RPGRIP1L: variants seen among roughly 807,000 people sequenced by gnomAD.
The protein encoded by RPGRIP1L is RPGRIP1 like, also known as protein fantom.
Under a neutral mutation model 160.4 loss-of-function variants are expected in RPGRIP1L, and 131 were observed. The observed-to-expected ratio is 0.82, with a 90% CI of 0.71 to 0.94. RPGRIP1L has a LOEUF of 0.94. Among genes scored for constraint, RPGRIP1L ranks in the 40% least tolerant of loss-of-function variants. The pLI is 0.00. For missense variants in RPGRIP1L, 1,522 were observed against 1,535.8 expected, an observed-to-expected ratio of 0.99 and a Z score of 0.15; for synonymous variants, 510 against 515.8, an observed-to-expected ratio of 0.99 and a Z score of 0.15.
At chr16:53,625,500 G>A (rs1161448094) in intron 22 of RPGRIP1L, among the ~76,000 whole-genome samples, 17 of 141,826 alleles carry the variant, frequency 1.2e-4, no homozygotes, top group East Asian at 6.7e-4. Flanking sequence ...TCCGCCCAGC[G>A]GCCGCCCCGT....
intron 3 of RPGRIP1L, chr16:53,695,185 G>C: frequency 1.8e-6 from 1 of 559,966 alleles, no homozygotes; most frequent in South Asian, 2.6e-5. Flanking sequence ...AAAATTGTTA[G>C]GTGGTCATAG....
intron 2 of RPGRIP1L, among the ~76,000 whole-genome samples, chr16:53,700,089 T>G (rs1430238641): frequency 1.3e-5 from 2 of 152,220 alleles, no homozygotes; most frequent in African/African-American, 4.8e-5. Flanking sequence ...CAGCTCTCTG[T>G]TCTAAATTGT....
At chr16:53,645,591 T>C in intron 17 of RPGRIP1L, 34 bp downstream of exon 17, 1 of 1,598,130 alleles carries the variant, frequency 6.3e-7, no homozygotes, top group Non-Finnish European at 8.5e-7. Context: ...TGTTTTGTTT[T>C]TACAATTTTA....
At chr16:53,636,779 T>TA (rs542082852) in intron 21 of RPGRIP1L, among the ~76,000 whole-genome samples, 1 of 152,096 alleles carries the variant, frequency 6.6e-6, no homozygotes, top group African/African-American at 2.4e-5. Context: ...AAAAAAATTT[T>TA]AAAAAGAGAA....
In RPGRIP1L at chr16:53,652,986, G is replaced by T. The variant is rs1555604462; in HGVS notation, c.1701C>A (p.Ala567=). 6.8e-6 allele frequency: 11 copies of T among 1,609,950 alleles called. No homozygotes were observed. In the Middle Eastern group the frequency reaches 9.9e-4, roughly 145 times the overall value. Residue 567 remains alanine (A), a splice_region_variant and synonymous_variant, in exon 15 of 27, where the codon GCC becomes GCA. Coordinates refer to ENST00000647211, the MANE Select transcript of RPGRIP1L (RefSeq NM_015272.5). The part of the protein sequence containing the change: ...IRAARIHKLE[A]QLKDIAYGTK... ...TGCCATAGGCAATATCCTTTAATTG[G>T]GCTGCAAGAGAAGACACACAGTTTA...
rs527539036 is a variant in RPGRIP1L, at chr16:53,692,129, G to T, written c.466C>A (p.Arg156Ser). The T allele has an allele frequency of 6.2e-7, 1 of 1,613,810 alleles. No homozygotes were observed. Among genetic ancestry groups the T allele is most frequent in the Non-Finnish European group, 8.5e-7 (1 of 1,179,948 alleles). Residue 156 changes from arginine (R) to serine (S), a missense_variant, in exon 4 of 27, where the codon CGT (arginine) becomes AGT (serine). By Grantham distance (110) the Arg-to-Ser change is moderately radical. Transcript: ENST00000647211. ...GCTTTTCTACGCCCAGTGTTAATAC[G>T]AGATTGTACATTATTGTATGGAGTT... ...RQTPYNNVQS[R>S]INTGRRKANE...
chr16:53,617,954 A>C (rs1258125454), intron 24 of RPGRIP1L, among the ~76,000 whole-genome samples: 1 of 152,186 alleles, frequency 6.6e-6, no homozygotes, highest in Non-Finnish European at 1.5e-5. Flanking sequence ...ACAACACTCC[A>C]TTTTTATGGT....
chr16:53,681,549 T>C (rs1386440900), intron 6 of RPGRIP1L, among the ~76,000 whole-genome samples: 1 of 152,202 alleles, frequency 6.6e-6, no homozygotes, highest in Non-Finnish European at 1.5e-5. Context: ...GTAAATGATA[T>C]AAGATTTTTT....
In RPGRIP1L at chr16:53,656,571, T is replaced by C. The variant is rs1438758355; in HGVS notation, c.1600A>G (p.Thr534Ala). The stretch of plus-strand genomic sequence containing the variant: ...TGCTGCAAATTTTCCATCTTACGGG[T>C]CACTGCCTCAACCTCCATCTACAAA... ...KDYQMEVEAV[T>A]RKMENLQQDY... Residue 534 changes from threonine (T) to alanine (A), a missense_variant, in exon 14 of 27, where the codon ACC becomes GCC. Physicochemically the swap from Thr to Ala is moderately conservative, Grantham distance 58. Transcript: ENST00000647211. 1 of 1,612,320 alleles carries C rather than the reference T, an allele frequency of 6.2e-7. No individual in the cohort carries two copies. The highest frequency in any genetic ancestry group is 2.2e-5 in the East Asian group (1 of 44,848).
chr16:53,695,295 A>G (rs916352865), intron 3 of RPGRIP1L: 2 of 693,674 alleles, frequency 2.9e-6, no homozygotes, highest in Non-Finnish European at 5.2e-6. Flanking sequence ...AGCCATCATC[A>G]TGACTAAAAC....
intron 2 of RPGRIP1L, among the ~76,000 whole-genome samples, chr16:53,699,781 G>C (rs1971230366): frequency 7.2e-6 from 1 of 138,820 alleles, no homozygotes; most frequent in Admixed American, 8.0e-5. Flanking sequence ...TCGCGCCACT[G>C]CACTCCAGCC....
At chr16:53,680,147 T>A (rs550604891) in intron 6 of RPGRIP1L, among the ~76,000 whole-genome samples, 2 of 152,254 alleles carry the variant, frequency 1.3e-5, no homozygotes, top group Admixed American at 1.3e-4. Context: ...CTATGTTAAG[T>A]CACTATCAAG....
chr16:53,612,380 T>A (rs940355706), intron 24 of RPGRIP1L, among the ~76,000 whole-genome samples: 9 of 152,190 alleles, frequency 5.9e-5, no homozygotes, highest in African/African-American at 2.2e-4. Flanking sequence ...GTATTTTTTT[T>A]AATTTATCAA....
chr16:53,616,521 A>C (rs527306185), intron 24 of RPGRIP1L, among the ~76,000 whole-genome samples: 1 of 152,316 alleles, frequency 6.6e-6, no homozygotes, highest in African/African-American at 2.4e-5. Context: ...CTAAGCACGG[A>C]GTACATTCCT....
intron 3 of RPGRIP1L, chr16:53,695,322 G>C (rs1305797186): frequency 4.3e-6 from 3 of 701,916 alleles, no homozygotes; most frequent in African/African-American, 3.5e-5. Context: ...CAAAGTAAAA[G>C]GCCTGCACAT....
At chr16:53,671,612 G>T in intron 8 of RPGRIP1L, 29 bp from the exon 9 acceptor site, 3 of 1,199,332 alleles carry the variant, frequency 2.5e-6, no homozygotes, top group Non-Finnish European at 3.6e-6. Flanking sequence ...TACATATTAA[G>T]TAAATATTAT....
intron 14 of RPGRIP1L, chr16:53,655,440 CT>C (rs1400248314): frequency 2.0e-5 from 3 of 151,858 alleles, no homozygotes; most frequent in African/African-American, 7.3e-5. Context: ...TGTAAAATTA[CT>C]GCTGGCATAG....
intron 25 of RPGRIP1L, among the ~76,000 whole-genome samples, chr16:53,609,220 C>T (rs1204370655): frequency 6.6e-6 from 1 of 152,130 alleles, no homozygotes; most frequent in African/African-American, 2.4e-5. Context: ...TTCATAGTAG[C>T]TGGGACTACT....
intron 26 of RPGRIP1L, among the ~76,000 whole-genome samples, chr16:53,602,471 A>G (rs1243940695): frequency 5.3e-5 from 8 of 152,272 alleles, no homozygotes; most frequent in East Asian, 1.9e-4. Flanking sequence ...ACCCTCACAC[A>G]CAATCAGAAT....
Sources: allele counts gnomAD v4.1 joint callset (sites outside exome capture counted in the v4.1 genomes callset), GRCh38; gene constraint gnomAD v4.1.1; transcripts MANE v1.5; gene names NCBI Gene and HGNC (gene_info 2026-07-23, HGNC 2026-07-21).